Variants in DNASE1 observed in about 807,000 individuals in gnomAD.
DNASE1 encodes deoxyribonuclease-1.
Under a neutral mutation model 33.9 loss-of-function variants are expected in DNASE1, and 40 were observed. The observed-to-expected ratio is 1.18, with a 90% CI of 0.92 to 1.54. The LOEUF is 1.54. Ranked by LOEUF, DNASE1 falls within the 40% of genes most tolerant of loss-of-function variation. The probability of loss-of-function intolerance (pLI) is 0.00; values close to 1 mark genes in which losing one functional copy is unlikely to be tolerated. For synonymous variants in DNASE1, 216 were observed against 160.0 expected (o/e 1.35, Z -2.64); for missense variants, 518 against 372.6 (o/e 1.39, Z -3.21).
At chr16:3,640,153 A>G (rs189425886), upstream of DNASE1, among the ~76,000 whole-genome samples, 1 of 152,292 alleles carries the variant, frequency 6.6e-6, no homozygotes, top group East Asian at 1.9e-4. Flanking sequence ...GGAACACAAA[A>G]TATTCCCTGT....
intron 1 of DNASE1, among the ~76,000 whole-genome samples, chr16:3,646,388 G>A (rs905563247): frequency 6.6e-6 from 1 of 152,082 alleles, no homozygotes; most frequent in African/African-American, 2.4e-5. Flanking sequence ...CTGGAAGCCA[G>A]CCATAAATAA....
At chr16:3,662,505 CT>C, downstream of DNASE1, 2 of 520,346 alleles carry the variant, frequency 3.8e-6, no homozygotes, top group Non-Finnish European at 3.6e-6. Flanking sequence ...GGAGTCTTAG[CT>C]CTCTGAAGCC....
downstream of DNASE1, chr16:3,662,458 G>A (rs558076927): frequency 3.4e-5 from 18 of 530,688 alleles, no homozygotes; most frequent in East Asian, 1.7e-4. Flanking sequence ...TGCATGGGAC[G>A]CTCATTTCTC....
chr16:3,616,315 C>T (rs998348598), intron 1 of DNASE1, among the ~76,000 whole-genome samples: 27 of 152,058 alleles, frequency 1.8e-4, no homozygotes, highest in African/African-American at 5.8e-4. Flanking sequence ...GTGGAAAAAC[C>T]GATGTTAAAA....
intron 1 of DNASE1, among the ~76,000 whole-genome samples, chr16:3,626,784 CTT>C (rs1048396506): frequency 5.9e-5 from 9 of 152,118 alleles, no homozygotes; most frequent in African/African-American, 1.9e-4. Context: ...TTTTGAATCT[CTT>C]TTGTTAGATG....
chr16:3,661,258 A>T (rs956139352), downstream of DNASE1: 3 of 152,206 alleles, frequency 2.0e-5, no homozygotes, highest in Admixed American at 6.5e-5. Flanking sequence ...TGATACTGTA[A>T]AAAGAAAGAA....
At chr16:3,662,844 T>C (rs1307153871), downstream of DNASE1, 3 of 1,605,532 alleles carry the variant, frequency 1.9e-6, no homozygotes, top group Non-Finnish European at 2.6e-6. Context: ...TTAGGGACAC[T>C]GCGGCCAAGT....
chr16:3,636,404 C>G (rs140257730), intron 1 of DNASE1, among the ~76,000 whole-genome samples: 103 of 152,300 alleles, frequency 6.8e-4, no homozygotes, highest in African/African-American at 2.4e-3. Context: ...TGTGATAATT[C>G]TAACATCTCT....
upstream of DNASE1, chr16:3,654,367 C>T: frequency 2.5e-6 from 1 of 398,820 alleles, no homozygotes. Context: ...TCCCCAGCCT[C>T]CTGCAGAGTT....
chr16:3,656,187 TG>T lies in DNASE1; in HGVS notation c.320+5del. The T allele has an allele frequency of 6.2e-7, 1 of 1,613,858 alleles. No homozygotes were observed. The highest frequency in any genetic ancestry group is 8.5e-7 in the Non-Finnish European group (1 of 1,179,914). On this transcript the variant is annotated splice_donor_region_variant and intron_variant, in intron 4 of 8. Transcript: ENST00000246949. ...GGAGCGCTACCTGTTCGTGTACAGG[TG>T]GGTGGTCTAGAAAGCCAGGAAGCCC...
chr16:3,662,196 T>C, downstream of DNASE1: 3 of 1,560,738 alleles, frequency 1.9e-6, no homozygotes, highest in South Asian at 1.2e-5. Context: ...TGGCAGGATC[T>C]TACCAGGGGT....
chr16:3,618,703 T>C (rs970913112), intron 1 of DNASE1, among the ~76,000 whole-genome samples: 10 of 152,172 alleles, frequency 6.6e-5, no homozygotes, highest in Non-Finnish European at 1.3e-4. Flanking sequence ...CACTCCAGCC[T>C]GGGCAACAAG....
intron 1 of DNASE1, among the ~76,000 whole-genome samples, chr16:3,647,943 G>A (rs1230615489): frequency 9.9e-5 from 15 of 152,252 alleles, no homozygotes; most frequent in Non-Finnish European, 1.6e-4. Flanking sequence ...TGAGGCGGGC[G>A]GATCACTTGA....
chr16:3,663,634 G>A lies in DNASE1; in HGVS notation c.*5681G>A, dbSNP rs577731128. On this transcript the variant is annotated 3_prime_UTR_variant, in exon 10 of 10. Transcript: ENST00000407479. ...CCACCACAGAAGAAAGGATGAGGGC[G>A]GCAGGAGGGCTGGGGGAGCCAAGCG... 335 of 1,590,602 alleles carry A rather than the reference G, an allele frequency of 2.1e-4. 1 individual carries two copies. Among genetic ancestry groups the A allele is most frequent in the South Asian group, 1.3e-3 (112 of 89,426 alleles).
At chr16:3,652,928 C>G (rs2042383822), upstream of DNASE1, 2 of 152,400 alleles carry the variant, frequency 1.3e-5, no homozygotes, top group Admixed American at 1.3e-4. Context: ...CCCAGGGGGA[C>G]CACAGATGCT....
intron 1 of DNASE1, among the ~76,000 whole-genome samples, chr16:3,620,399 G>T (rs2041265383): frequency 1.3e-5 from 2 of 149,500 alleles, no homozygotes; most frequent in Admixed American, 1.3e-4. Flanking sequence ...AGTACTCAGT[G>T]TGTCACCCAG....
At chr16:3,665,131 G>C (rs1050447107) in exon 10 of DNASE1, 2 of 152,274 alleles carry the variant, frequency 1.3e-5, no homozygotes, top group African/African-American at 2.4e-5. Context: ...CAAAGACCTA[G>C]AAATGTCTCT....
At chr16:3,641,586 A>G (rs568311574), upstream of DNASE1, among the ~76,000 whole-genome samples, 49 of 152,284 alleles carry the variant, frequency 3.2e-4, no homozygotes, top group African/African-American at 1.2e-3. Flanking sequence ...TCCCTGTGAA[A>G]TGGCTTCTCC....
chr16:3,628,244 G>A (rs1028843367), intron 1 of DNASE1, among the ~76,000 whole-genome samples: 12 of 152,076 alleles, frequency 7.9e-5, no homozygotes, highest in Admixed American at 7.9e-4. Context: ...AAATTGTTCA[G>A]TGTTAGTATA....
Sources: allele counts gnomAD v4.1 joint callset (sites outside exome capture counted in the v4.1 genomes callset), GRCh38; gene constraint gnomAD v4.1.1; transcripts MANE v1.5; gene names NCBI Gene and HGNC (gene_info 2026-07-23, HGNC 2026-07-21).